The following PLA2G5 variants were observed in gnomAD, a reference collection of about 807,000 sequenced individuals.
PLA2G5 encodes the protein Ca2+-dependent phospholipase A2.
A neutral mutation model predicts 15.9 loss-of-function variants in PLA2G5; 12 were observed. The ratio of observed to expected loss-of-function variants is 0.76; its 90% CI spans 0.48 to 1.23. The LOEUF (loss-of-function observed/expected upper bound fraction) is 1.23, where lower values mean the gene tolerates loss of function less well. PLA2G5 is among the 50% of genes most tolerant of loss of function. The pLI, the probability that PLA2G5 is intolerant of heterozygous loss-of-function variation, is 0.00. For missense variants in PLA2G5, 169 were observed against 177.1 expected, an observed-to-expected ratio of 0.95 and a Z score of 0.26; for synonymous variants, 71 against 71.4, an observed-to-expected ratio of 0.99 and a Z score of 0.03.
intron 1 of PLA2G5, among the ~76,000 whole-genome samples, chr1:20,029,405 C>T (rs929219560): frequency 9.2e-5 from 14 of 152,212 alleles, no homozygotes; most frequent in African/African-American, 3.1e-4. Context: ...ATATGTTCCT[C>T]CGCTGATATG....
chr1:20,062,857 G>A (rs948700622), intron 2 of PLA2G5, among the ~76,000 whole-genome samples: 2 of 152,120 alleles, frequency 1.3e-5, no homozygotes, highest in African/African-American at 4.8e-5. Context: ...TTCTAGGCCT[G>A]GCCTTCGAGA....
At chr1:20,084,796 T>C (rs1255620872) in intron 1 of PLA2G5, 25 bp from the exon 2 acceptor site, 1 of 1,558,426 alleles carries the variant, frequency 6.4e-7, no homozygotes, top group Non-Finnish European at 8.9e-7. Context: ...GATAGATCTG[T>C]TGTGGGATGT....
intron 1 of PLA2G5, among the ~76,000 whole-genome samples, chr1:20,075,495 T>TACCCAATTATTC (rs1553175988): frequency 3.9e-5 from 6 of 152,228 alleles, no homozygotes; most frequent in Non-Finnish European, 8.8e-5. Flanking sequence ...TACAATTATT[T>TACCCAATTATTC]ACCCAATTAT....
intron 1 of PLA2G5, among the ~76,000 whole-genome samples, chr1:20,056,855 A>G (rs2014456922): frequency 6.6e-6 from 1 of 152,162 alleles, no homozygotes; most frequent in Admixed American, 6.5e-5. Flanking sequence ...AATAGTTTCT[A>G]TTTTAGAAGG....
intron 1 of PLA2G5, among the ~76,000 whole-genome samples, chr1:20,048,907 A>G (rs1254008083): frequency 6.6e-6 from 1 of 152,206 alleles, no homozygotes; most frequent in Non-Finnish European, 1.5e-5. Context: ...TAGATATTTC[A>G]TTATTTGGGT....
intron 1 of PLA2G5, among the ~76,000 whole-genome samples, chr1:20,047,125 CAACAATTAATTTGAAAGA>C (rs2013944385): frequency 6.6e-6 from 1 of 152,104 alleles, no homozygotes; most frequent in African/African-American, 2.4e-5. Flanking sequence ...AAATCCTCAA[CAACAATTAATTTGAAAGA>C]ATGAGGCTCA....
chr1:20,076,748 T>A (rs1463132157), intron 1 of PLA2G5: 1 of 152,194 alleles, frequency 6.6e-6, no homozygotes, highest in Non-Finnish European at 1.5e-5. Context: ...AGCCTTGTAA[T>A]CCCCTCCAAC....
At chr1:20,038,259 T>C (rs2013383735) in intron 1 of PLA2G5, among the ~76,000 whole-genome samples, 1 of 152,056 alleles carries the variant, frequency 6.6e-6, no homozygotes, top group South Asian at 2.1e-4. Context: ...CACATCCTGT[T>C]CCCTGCCACC....
At chr1:20,046,232 T>C (rs1224918339) in intron 1 of PLA2G5, 3 of 152,210 alleles carry the variant, frequency 2.0e-5, no homozygotes, top group African/African-American at 7.2e-5. Flanking sequence ...TCAGCGATCA[T>C]ATTGTTGGTT....
Position 20,089,884 on chromosome 1 carries a change from T to A in PLA2G5, c.281T>A (p.Val94Glu), listed in dbSNP as rs1280723542. The A allele has an allele frequency of 6.2e-7, 1 of 1,612,466 alleles. No individual in the cohort carries two copies. Among genetic ancestry groups the A allele is most frequent in the Non-Finnish European group, 8.5e-7 (1 of 1,178,944 alleles). ...TACAAATACAGATTCGCGTGGGGCG[T>A]GGTCACCTGCGGTAAGGCTGGGGCT... The part of the protein sequence containing the change: ...QSYKYRFAWG[V>E]VTCEPGPFCH... Residue 94 changes from valine (V) to glutamate (E), a missense_variant, in exon 4 of 5, where the codon GTG (valine) becomes GAG (glutamate). Val to Glu is a moderately radical substitution (Grantham distance 121). Coordinates refer to ENST00000375108, the MANE Select transcript of PLA2G5 (RefSeq NM_000929.3).
chr1:20,081,631 C>A (rs1213715221), intron 1 of PLA2G5, among the ~76,000 whole-genome samples: 1 of 151,630 alleles, frequency 6.6e-6, no homozygotes, highest in Non-Finnish European at 1.5e-5. Context: ...CAGTTTCTGG[C>A]CCTGGGGTGA....
chr1:20,033,795 G>A (rs1007169876), intron 1 of PLA2G5, among the ~76,000 whole-genome samples: 2 of 152,022 alleles, frequency 1.3e-5, no homozygotes, highest in South Asian at 4.1e-4. Context: ...AGTTTTTAAA[G>A]TGGTAGTTGA....
intron 3 of PLA2G5, among the ~76,000 whole-genome samples, chr1:20,087,168 A>C (rs773824646): frequency 3.3e-5 from 5 of 152,248 alleles, no homozygotes; most frequent in Non-Finnish European, 7.3e-5. Context: ...TGGATATATT[A>C]GTATCATACT....
intron 1 of PLA2G5, among the ~76,000 whole-genome samples, chr1:20,041,494 A>G (rs1475732270): frequency 1.3e-5 from 2 of 152,176 alleles, no homozygotes; most frequent in African/African-American, 2.4e-5. Flanking sequence ...CAATTTGCCA[A>G]TCCTGGGCAG....
At chr1:20,067,928 C>G (rs577810833), upstream of PLA2G5, among the ~76,000 whole-genome samples, 1 of 151,984 alleles carries the variant, frequency 6.6e-6, no homozygotes, top group Admixed American at 6.6e-5. Flanking sequence ...TGACCAGCCT[C>G]GCCAACATGG....
chr1:20,091,812 C>A lies in PLA2G5; in HGVS notation c.*1120C>A, dbSNP rs984380905. 2.0e-5 allele frequency among the ~76,000 whole-genome samples: 3 copies of A among 152,308 alleles called. No homozygotes were observed. The highest frequency in any genetic ancestry group is 7.2e-5 in the African/African-American group (3 of 41,566). On this transcript the variant is annotated 3_prime_UTR_variant, in exon 5 of 5. Coordinates refer to ENST00000375108, the MANE Select transcript of PLA2G5 (RefSeq NM_000929.3). ...AGGACCTATGGCTTCTTTATTCCGA[C>A]ATACCCCAAAATAACTGCATGATAA...
At chr1:20,064,312 G>C (rs1416181232) in intron 2 of PLA2G5, among the ~76,000 whole-genome samples, 1 of 152,216 alleles carries the variant, frequency 6.6e-6, no homozygotes, top group Non-Finnish European at 1.5e-5. Context: ...GGTGGCTCAT[G>C]CCTATAATCC....
Position 20,090,808 on chromosome 1 carries a change from C to T in PLA2G5, c.*116C>T, listed in dbSNP as rs1015888187. The T allele has an allele frequency of 6.0e-5, 69 of 1,153,728 alleles. No individual in the cohort carries two copies. Among genetic ancestry groups the T allele is most frequent in the Non-Finnish European group, 8.0e-5 (63 of 785,958 alleles). 71.5% of individuals were successfully genotyped at this position (1,153,728 alleles called of 1,614,324 possible). A position where few individuals can be genotyped will look rare whatever the true frequency, so the allele number is the denominator to read the frequency against. ...TCCTAAGTCACAGACCTCAGTCTTT[C>T]TCGAAGCTTGGCGGACCCCCAGGGC... is the stretch of plus-strand genomic sequence containing the variant. On this transcript the variant is annotated 3_prime_UTR_variant, in exon 5 of 5. Coordinates refer to ENST00000375108, the MANE Select transcript of PLA2G5 (RefSeq NM_000929.3).
At chr1:20,075,864 T>TTC (rs1424900052) in intron 1 of PLA2G5, among the ~76,000 whole-genome samples, 5 of 141,958 alleles carry the variant, frequency 3.5e-5, no homozygotes, top group African/African-American at 1.0e-4. Flanking sequence ...GTGGATTTCT[T>TTC]TCTCTTTTTT....
Sources: gnomAD v4.1 joint callset for allele counts (sites outside exome capture counted in the v4.1 genomes callset) on GRCh38, gnomAD v4.1.1 for gene constraint, MANE v1.5 for transcripts, NCBI Gene and HGNC (gene_info 2026-07-23, HGNC 2026-07-21) for gene names.